ADAMTS12: variants seen among roughly 807,000 people sequenced by gnomAD.
ADAMTS12 encodes A disintegrin and metalloproteinase with thrombospondin motifs 12.
ADAMTS12 carries 118 observed loss-of-function variants against 167.8 expected under a neutral mutation model. The observed-to-expected ratio is 0.70, with a 90% CI of 0.61 to 0.82. The LOEUF is 0.82. Among genes scored for constraint, ADAMTS12 ranks in the 40% least tolerant of loss-of-function variants. The pLI, the probability that ADAMTS12 is intolerant of heterozygous loss-of-function variation, is 0.00. For missense variants in ADAMTS12, 1,916 were observed against 1,998.8 expected, an observed-to-expected ratio of 0.96 and a Z score of 0.79; for synonymous variants, 704 against 716.9, an observed-to-expected ratio of 0.98 and a Z score of 0.29.
Position 33,794,844 on chromosome 5 carries a change from A to G in ADAMTS12, c.490-43296T>C, listed in dbSNP as rs188899629. 7.6e-3 allele frequency among the ~76,000 whole-genome samples: 1,150 copies of G among 152,312 alleles called. 11 individuals are homozygous for G. Among genetic ancestry groups the G allele is most frequent in the Non-Finnish European group, 9.1e-3 (616 of 68,016 alleles). On this transcript the variant is annotated intron_variant, in intron 2 of 23. Coordinates refer to ENST00000504830, the MANE Select transcript of ADAMTS12 (RefSeq NM_030955.4). ...GTAGGAAAGTGGTATGATCTCCAGC[A>G]CTATGAATCACATCCTGAGCTGTCA...
chr5:33,598,137 A>G (rs1187798804), intron 16 of ADAMTS12, among the ~76,000 whole-genome samples: 2 of 152,106 alleles, frequency 1.3e-5, no homozygotes, highest in Non-Finnish European at 2.9e-5. Context: ...AAAAGGGATA[A>G]CTATGTGTCA....
chr5:33,761,929 A>G (rs1271667271), intron 2 of ADAMTS12, among the ~76,000 whole-genome samples: 1 of 152,244 alleles, frequency 6.6e-6, no homozygotes, highest in Non-Finnish European at 1.5e-5. Flanking sequence ...ATGGTGGCTC[A>G]CGCCTATAAT....
intron 20 of ADAMTS12, among the ~76,000 whole-genome samples, chr5:33,556,181 G>C (rs1001945808): frequency 3.3e-5 from 5 of 152,136 alleles, no homozygotes; most frequent in Non-Finnish European, 7.3e-5. Flanking sequence ...TTCATTTCAG[G>C]GGTGAGAAAA....
intron 2 of ADAMTS12, among the ~76,000 whole-genome samples, chr5:33,793,296 T>C (rs1746645368): frequency 1.3e-5 from 2 of 152,366 alleles, no homozygotes; most frequent in South Asian, 4.1e-4. Context: ...ACACTTAAAA[T>C]CATGGGTGAA....
intron 3 of ADAMTS12, among the ~76,000 whole-genome samples, chr5:33,748,975 G>A (rs1217887364): frequency 6.6e-6 from 1 of 152,172 alleles, no homozygotes; most frequent in Non-Finnish European, 1.5e-5. Flanking sequence ...TGTTTAAACA[G>A]TAACTATGCA....
intron 2 of ADAMTS12, among the ~76,000 whole-genome samples, chr5:33,860,198 G>A (rs1341935514): frequency 1.3e-5 from 2 of 152,110 alleles, no homozygotes; most frequent in African/African-American, 4.8e-5. Context: ...CAGAAGTTAG[G>A]TAATAACAAA....
intron 1 of ADAMTS12, among the ~76,000 whole-genome samples, chr5:33,885,029 A>C (rs1750587843): frequency 6.6e-6 from 1 of 152,232 alleles, no homozygotes; most frequent in Admixed American, 6.5e-5. Flanking sequence ...AAAACTCTGA[A>C]AAGAGTTGAA....
intron 16 of ADAMTS12, among the ~76,000 whole-genome samples, chr5:33,611,516 C>G (rs1738729525): frequency 6.6e-6 from 1 of 152,088 alleles, no homozygotes; most frequent in Admixed American, 6.5e-5. Flanking sequence ...TTGCTGCCAC[C>G]TATTTGTAAC....
intron 16 of ADAMTS12, among the ~76,000 whole-genome samples, chr5:33,611,537 T>C (rs1475974158): frequency 6.6e-6 from 1 of 152,214 alleles, no homozygotes; most frequent in African/African-American, 2.4e-5. Context: ...CCATTTACTA[T>C]GGAAATCAAT....
At chr5:33,740,062 A>G (rs1262358483) in intron 3 of ADAMTS12, among the ~76,000 whole-genome samples, 1 of 152,208 alleles carries the variant, frequency 6.6e-6, no homozygotes, top group Non-Finnish European at 1.5e-5. Flanking sequence ...CCCTTCATGT[A>G]ACTGATGAGG....
At chr5:33,730,314 G>GTGTGTGTGTGTC (rs1554038444) in intron 3 of ADAMTS12, among the ~76,000 whole-genome samples, 11 of 151,628 alleles carry the variant, frequency 7.3e-5, no homozygotes, top group Non-Finnish European at 1.6e-4. Context: ...GTGTGTGTGT[G>GTGTGTGTGTGTC]TGTGTGTCTG....
chr5:33,585,606 T>TGGGAAGTAA (rs1214249196), intron 18 of ADAMTS12, among the ~76,000 whole-genome samples: 1 of 152,192 alleles, frequency 6.6e-6, no homozygotes, highest in Non-Finnish European at 1.5e-5. Context: ...ATGGTGTATC[T>TGGGAAGTAA]GGGAAGTAAG....
chr5:33,530,114 C>T (rs1193770866), intron 23 of ADAMTS12, among the ~76,000 whole-genome samples: 4 of 151,236 alleles, frequency 2.6e-5, no homozygotes, highest in African/African-American at 7.3e-5. Context: ...TTAGTAGAGA[C>T]GGGGTTTCAC....
At chr5:33,865,204 G>A (rs1749772714) in intron 2 of ADAMTS12, among the ~76,000 whole-genome samples, 1 of 152,024 alleles carries the variant, frequency 6.6e-6, no homozygotes, top group African/African-American at 2.4e-5. Context: ...TATCCCTGAT[G>A]AACACAGATG....
At position 33,561,091 on chromosome 5, in the gene ADAMTS12, G is replaced by A. The variant is rs1230656287; in HGVS notation, c.4061C>T (p.Pro1354Leu). The change falls in exon 20 of 24, where the codon CCT becomes CTT. Residue 1354 changes from proline to leucine, a missense_variant. Transcript: ENST00000504830. ...MDSDCAAIQR[P>L]DPAKRCHLRP... ...GAGGTGGCATCTTTTTGCAGGGTCA[G>A]GTCTCTGGATGGCCGCACAGTCAGA... 1 of 1,614,056 alleles carries A rather than the reference G, an allele frequency of 6.2e-7. No homozygotes were observed. The highest frequency in any genetic ancestry group is 8.5e-7 in the Non-Finnish European group (1 of 1,180,036).
At chr5:33,695,405 G>A (rs1426549336) in intron 3 of ADAMTS12, among the ~76,000 whole-genome samples, 3 of 152,170 alleles carry the variant, frequency 2.0e-5, no homozygotes, top group African/African-American at 7.2e-5. Context: ...CAGAGAGAGA[G>A]AGATCAGTAA....
chr5:33,849,753 A>C (rs559865511), intron 2 of ADAMTS12, among the ~76,000 whole-genome samples: 2 of 149,806 alleles, frequency 1.3e-5, no homozygotes, highest in Admixed American at 1.3e-4. Context: ...AGCAATATAT[A>C]GTATCTATAT....
At chr5:33,667,611 A>G (rs1265117072) in intron 5 of ADAMTS12, among the ~76,000 whole-genome samples, 1 of 152,176 alleles carries the variant, frequency 6.6e-6, no homozygotes, top group Non-Finnish European at 1.5e-5. Flanking sequence ...TTAGAGCCCC[A>G]ACAATACCTA....
At chr5:33,675,228 A>G (rs925996883) in intron 5 of ADAMTS12, among the ~76,000 whole-genome samples, 6 of 152,188 alleles carry the variant, frequency 3.9e-5, no homozygotes, top group Non-Finnish European at 7.3e-5. Context: ...CTAGTTCTTG[A>G]CAGGAATAAG....
Sources: gnomAD v4.1 joint callset for allele counts (sites outside exome capture counted in the v4.1 genomes callset) on GRCh38, gnomAD v4.1.1 for gene constraint, MANE v1.5 for transcripts, NCBI Gene and HGNC (gene_info 2026-07-23, HGNC 2026-07-21) for gene names.